The following ZNF76 variants were observed in gnomAD, a reference collection of about 807,000 sequenced individuals.
ZNF76 encodes zinc finger protein 76, also known as zinc finger protein 523.
ZNF76 carries 66 observed loss-of-function variants against 66.9 expected under a neutral mutation model. The observed-to-expected ratio is 0.99, with a 90% CI of 0.81 to 1.21. The LOEUF is 1.21. Ranked by LOEUF, ZNF76 falls within the 50% of genes most tolerant of loss-of-function variation. ZNF76 has a pLI of 0.00. For missense variants in ZNF76, 729 were observed against 760.3 expected, an observed-to-expected ratio of 0.96 and a Z score of 0.48; for synonymous variants, 275 against 296.1, an observed-to-expected ratio of 0.93 and a Z score of 0.73.
chr6:35,291,758 G>T, intron 9 of ZNF76, 21 bp downstream of exon 9: 1 of 1,602,020 alleles, frequency 6.2e-7, no homozygotes. Flanking sequence ...TGGCATGCGA[G>T]GACTACCCTC....
At chr6:35,261,408 A>G (rs1785235347) in intron 1 of ZNF76, among the ~76,000 whole-genome samples, 1 of 152,104 alleles carries the variant, frequency 6.6e-6, no homozygotes. Context: ...GGCTTGCTGA[A>G]TACCTACTGT....
At chr6:35,284,982 A>G (rs113969328) in intron 2 of ZNF76, among the ~76,000 whole-genome samples, 4,337 of 152,330 alleles carry the variant, frequency 0.028, 88 homozygotes, top group South Asian at 0.048. Context: ...AAGTGTTGGG[A>G]TTATAGGCAT....
At chr6:35,282,795 G>A (rs1345943377) in intron 2 of ZNF76, among the ~76,000 whole-genome samples, 1 of 151,996 alleles carries the variant, frequency 6.6e-6, no homozygotes, top group African/African-American at 2.4e-5. Flanking sequence ...TGATGACTAA[G>A]GAGTCCCCTT....
At chr6:35,260,051 A>T (rs1360072143) in intron 1 of ZNF76, among the ~76,000 whole-genome samples, 2 of 145,594 alleles carry the variant, frequency 1.4e-5, no homozygotes, top group African/African-American at 5.1e-5. Context: ...GTGACTCCCA[A>T]ACCTCACCCC....
intron 12 of ZNF76, chr6:35,294,125 A>C: frequency 1.6e-6 from 1 of 625,198 alleles, no homozygotes; most frequent in Non-Finnish European, 2.7e-6. Flanking sequence ...TCTAAATCTC[A>C]ATTCAACCCT....
intron 1 of ZNF76, among the ~76,000 whole-genome samples, chr6:35,265,123 CTGTT>C (rs564520805): frequency 7.7e-4 from 117 of 152,222 alleles, no homozygotes; most frequent in Non-Finnish European, 1.2e-3. Context: ...AGTGAGCTCA[CTGTT>C]TGAGGAATGG....
chr6:35,268,474 C>T (rs530581582), intron 1 of ZNF76, among the ~76,000 whole-genome samples: 4 of 151,944 alleles, frequency 2.6e-5, no homozygotes, highest in African/African-American at 7.2e-5. Flanking sequence ...AAATTTTGTC[C>T]TGGAGAGTGA....
intron 1 of ZNF76, among the ~76,000 whole-genome samples, chr6:35,275,099 G>T (rs1311029360): frequency 3.3e-5 from 5 of 152,014 alleles, no homozygotes; most frequent in Admixed American, 2.6e-4. Context: ...AGGTTGCAGT[G>T]AGCCGAGATT....
Position 35,292,266 on chromosome 6 carries a change from T to A in ZNF76, c.932-288T>A, listed in dbSNP as rs970888324. ...GTTCACCATTCTCAACCTCCCACCC[T>A]CAACCTTATAAGCCCCAGTGCCCCC... On this transcript the variant is annotated intron_variant, in intron 9 of 13. Transcript: ENST00000373953. This position sits in a 1 kb window ranked among gnomAD's most constrained non-coding sequence, Gnocchi z 4.7. The A allele has an allele frequency of 5.9e-6, 3 of 505,614 alleles. No homozygotes were observed. The highest frequency in any genetic ancestry group is 1.9e-5 in the African/African-American group (1 of 51,842). The allele number at this position is 505,614 out of a possible 1,614,324, so 31.3% of individuals were successfully genotyped here.
At chr6:35,294,312 T>C in intron 12 of ZNF76, 144 bp from the exon 13 acceptor site, 2 of 637,216 alleles carry the variant, frequency 3.1e-6, no homozygotes, top group South Asian at 1.9e-5. Context: ...GCTCTGAGCC[T>C]CAGGCTAATT....
chr6:35,286,751 G>A (rs984751622), intron 4 of ZNF76: 8 of 347,902 alleles, frequency 2.3e-5, no homozygotes, highest in Non-Finnish European at 2.7e-5. Flanking sequence ...AGCTCCTAAG[G>A]TGCTGAAGAA....
rs761565684 is a variant in ZNF76, at chr6:35,292,612, G to T, written c.990G>T (p.Ser330=). ...PGCGKRFTEY[S]SLYKHHVVHT... ...GCGGGAAACGCTTCACCGAGTACTC[G>T]AGCTTGTATAAGCACCACGTGGTGC... Residue 330 remains serine (S), a synonymous_variant, in exon 10 of 14, where the codon TCG becomes TCT. Coordinates refer to ENST00000373953, the MANE Select transcript of ZNF76 (RefSeq NM_003427.5). This position sits in a 1 kb window ranked among gnomAD's most constrained non-coding sequence, Gnocchi z 4.7. The T allele has an allele frequency of 6.2e-7, 1 of 1,613,816 alleles. No individual in the cohort carries two copies. Among genetic ancestry groups the T allele is most frequent in the Admixed American group, 1.7e-5 (1 of 60,024 alleles).
At chr6:35,294,403 G>A in intron 12 of ZNF76, 53 bp from the exon 13 acceptor site, 1 of 1,207,558 alleles carries the variant, frequency 8.3e-7, no homozygotes, top group East Asian at 2.3e-5. Context: ...TTTGGATTGT[G>A]GGGAGGGAGA....
chr6:35,288,694 C>T (rs529438667), intron 5 of ZNF76, among the ~76,000 whole-genome samples: 231 of 152,304 alleles, frequency 1.5e-3, no homozygotes, highest in Admixed American at 2.4e-3. Context: ...CAGAGGCTCA[C>T]GCCTGTAATC....
chr6:35,293,619 C>T, intron 11 of ZNF76, 132 bp from the exon 12 acceptor site: 1 of 1,106,244 alleles, frequency 9.0e-7, no homozygotes. Flanking sequence ...TTGCCTGTCA[C>T]CCATCCCTTC....
intron 1 of ZNF76, among the ~76,000 whole-genome samples, chr6:35,278,261 C>CA (rs1788223252): frequency 6.6e-6 from 1 of 152,284 alleles, no homozygotes; most frequent in African/African-American, 2.4e-5. Flanking sequence ...CTCTGCCTCC[C>CA]AGGTTCAAGC....
Position 35,292,698 on chromosome 6 carries a change from C to T in ZNF76, c.1076C>T (p.Thr359Ile). Residue 359 changes from threonine (T) to isoleucine (I), a missense_variant, in exon 10 of 14, where the codon ACC becomes ATC. Coordinates refer to ENST00000373953, the MANE Select transcript of ZNF76 (RefSeq NM_003427.5). The surrounding 1 kb of genome is among the most constrained non-coding windows in gnomAD (Gnocchi z 4.7). ...GGCAAGACCTACCGGCAGACCTCCA[C>T]CTTGGCCATGCACAAGCGCAGTGCC... The part of the protein sequence containing the change: ...TCGKTYRQTS[T>I]LAMHKRSAHG... The T allele has an allele frequency of 1.2e-6, 2 of 1,614,192 alleles. No homozygotes were observed. The highest frequency in any genetic ancestry group is 1.7e-6 in the Non-Finnish European group (2 of 1,180,048).
Position 35,291,352 on chromosome 6 carries a change from A to G in ZNF76, c.700A>G (p.Lys234Glu), listed in dbSNP as rs1367409877. The change falls in exon 8 of 14, where the codon AAG becomes GAG. Residue 234 changes from lysine to glutamate, a missense_variant. Physicochemically the swap from Lys to Glu is moderately conservative, Grantham distance 56. Coordinates refer to ENST00000373953, the MANE Select transcript of ZNF76 (RefSeq NM_003427.5). ...CAAGTGCCCAGAGGAGCTGTGCAGC[A>G]AGGCCTTCAAGACCTCAGGAGACCT... ...PYKCPEELCS[K>E]AFKTSGDLQK... is the part of the protein sequence containing the mutation. 6.2e-7 allele frequency: 1 copy of G among 1,614,114 alleles called. No homozygotes were observed. Among genetic ancestry groups the G allele is most frequent in the Non-Finnish European group, 8.5e-7 (1 of 1,179,984 alleles).
At chr6:35,285,664 A>G (rs971026267) in intron 2 of ZNF76, among the ~76,000 whole-genome samples, 1 of 152,200 alleles carries the variant, frequency 6.6e-6, no homozygotes, top group African/African-American at 2.4e-5. Context: ...ATTAAGCTAT[A>G]TATCCTGCCT....
Sources: allele counts gnomAD v4.1 joint callset (sites outside exome capture counted in the v4.1 genomes callset), GRCh38; gene constraint gnomAD v4.1.1; non-coding constraint Gnocchi (gnomAD v3.1); transcripts MANE v1.5; gene names NCBI Gene and HGNC (gene_info 2026-07-23, HGNC 2026-07-21).